The following CLASP2 variants were observed in gnomAD, a reference collection of about 807,000 sequenced individuals.
CLASP2 encodes cytoplasmic linker associated protein 2, also known as CLIP-associating protein 2.
A neutral mutation model predicts 194.4 loss-of-function variants in CLASP2; 47 were observed. The observed-to-expected ratio is 0.24, with a 90% CI of 0.19 to 0.31. The LOEUF is 0.31. Among genes scored for constraint, CLASP2 ranks in the 10% least tolerant of loss-of-function variants. The probability of loss-of-function intolerance (pLI) is 1.00; values close to 1 mark genes in which losing one functional copy is unlikely to be tolerated. For missense variants in CLASP2, 1,445 were observed against 1,823.6 expected (o/e 0.79, Z 3.78); for synonymous variants, 619 against 633.5 (o/e 0.98, Z 0.34).
chr3:33,608,200 C>A (rs747067792), intron 14 of CLASP2, among the ~76,000 whole-genome samples: 6 of 152,198 alleles, frequency 3.9e-5, no homozygotes. Flanking sequence ...TCTTAAAAAT[C>A]TCTTTCCTCT....
intron 32 of CLASP2, among the ~76,000 whole-genome samples, chr3:33,540,603 C>T (rs2058184147): frequency 1.3e-5 from 2 of 151,898 alleles, no homozygotes; most frequent in African/African-American, 2.4e-5. Context: ...AATTTAGCTA[C>T]CAAATTTATC....
chr3:33,694,098 C>T (rs1451684166), intron 2 of CLASP2, among the ~76,000 whole-genome samples: 1 of 151,858 alleles, frequency 6.6e-6, no homozygotes, highest in African/African-American at 2.4e-5. Flanking sequence ...GGGAAGATTT[C>T]AAAACGAAAT....
intron 34 of CLASP2, among the ~76,000 whole-genome samples, chr3:33,527,815 T>C (rs559847805): frequency 6.6e-6 from 1 of 152,006 alleles, no homozygotes; most frequent in Non-Finnish European, 1.5e-5. Flanking sequence ...TACAAAAAAT[T>C]AGCCAGACGT....
At chr3:33,586,072 G>A (rs142328402) in intron 21 of CLASP2, among the ~76,000 whole-genome samples, 5 of 152,188 alleles carry the variant, frequency 3.3e-5, no homozygotes, top group Non-Finnish European at 5.9e-5. Context: ...CTGGGTTATA[G>A]AAGTCCCAAG....
chr3:33,643,209 G>GC (rs1187743534), intron 8 of CLASP2, among the ~76,000 whole-genome samples: 1 of 151,598 alleles, frequency 6.6e-6, no homozygotes, highest in Non-Finnish European at 1.5e-5. Context: ...AAAATTATAA[G>GC]CCACTGGTTC....
chr3:33,626,548 GA>G (rs1209424509), intron 10 of CLASP2, among the ~76,000 whole-genome samples: 2 of 151,954 alleles, frequency 1.3e-5, no homozygotes, highest in Non-Finnish European at 2.9e-5. Context: ...CACATGAGAA[GA>G]AAAAAACCCA....
At chr3:33,564,091 G>A (rs2062240623) in intron 27 of CLASP2, 1 of 357,194 alleles carries the variant, frequency 2.8e-6, no homozygotes, top group South Asian at 2.1e-5. Flanking sequence ...AGCTTTTTCT[G>A]TATTTATGTT....
chr3:33,506,719 C>T (rs1189751583), intron 37 of CLASP2, among the ~76,000 whole-genome samples: 2 of 151,950 alleles, frequency 1.3e-5, no homozygotes, highest in South Asian at 2.1e-4. Context: ...ACCCAGTTGT[C>T]CTAGCATCAC....
intron 7 of CLASP2, among the ~76,000 whole-genome samples, chr3:33,646,844 C>T (rs1211740848): frequency 2.6e-5 from 4 of 152,156 alleles, no homozygotes; most frequent in East Asian, 3.8e-4. Context: ...TAAGTACCCT[C>T]GAGACTCCTA....
intron 34 of CLASP2, among the ~76,000 whole-genome samples, chr3:33,517,650 T>G (rs1320367942): frequency 6.6e-6 from 1 of 152,206 alleles, no homozygotes; most frequent in Non-Finnish European, 1.5e-5. Flanking sequence ...CATTGTAAAC[T>G]TCTCCATAAA....
At chr3:33,669,457 C>G (rs2086757815) in intron 6 of CLASP2, among the ~76,000 whole-genome samples, 1 of 151,722 alleles carries the variant, frequency 6.6e-6, no homozygotes, top group Non-Finnish European at 1.5e-5. Context: ...AAAGGTATCA[C>G]CAAGAAAGTA....
chr3:33,602,148 G>A (rs1373067660), intron 18 of CLASP2, among the ~76,000 whole-genome samples: 1 of 151,904 alleles, frequency 6.6e-6, no homozygotes, highest in Non-Finnish European at 1.5e-5. Flanking sequence ...CAAGTAGCTG[G>A]GATTACAGGC....
intron 1 of CLASP2, among the ~76,000 whole-genome samples, chr3:33,714,383 T>C (rs2093186302): frequency 6.6e-6 from 1 of 152,208 alleles, no homozygotes; most frequent in East Asian, 1.9e-4. Flanking sequence ...CTGTCTATCA[T>C]CTCAACTTGT....
chr3:33,578,759 C>G (rs1329327413), intron 23 of CLASP2, among the ~76,000 whole-genome samples: 2 of 152,066 alleles, frequency 1.3e-5, no homozygotes, highest in Non-Finnish European at 1.5e-5. Context: ...TTTACAGAAT[C>G]AATAGTTATC....
intron 21 of CLASP2, among the ~76,000 whole-genome samples, chr3:33,591,751 A>G (rs1560193781): frequency 6.6e-6 from 1 of 152,260 alleles, no homozygotes; most frequent in Non-Finnish European, 1.5e-5. Context: ...CCAGTGAAAG[A>G]GCAAAAATGT....
intron 34 of CLASP2, among the ~76,000 whole-genome samples, chr3:33,519,357 G>A (rs1030271505): frequency 2.0e-5 from 3 of 152,070 alleles, no homozygotes; most frequent in African/African-American, 4.8e-5. Context: ...GTGTGTGCCC[G>A]ATTGTAATGT....
chr3:33,603,702 A>C (rs2072933453), intron 17 of CLASP2, among the ~76,000 whole-genome samples: 2 of 152,116 alleles, frequency 1.3e-5, no homozygotes, highest in Non-Finnish European at 2.9e-5. Flanking sequence ...GACTCACTGC[A>C]ACCTCCACTT....
intron 4 of CLASP2, 77 bp from the exon 5 acceptor site, chr3:33,687,212 G>T: frequency 1.1e-6 from 1 of 876,116 alleles, no homozygotes; most frequent in Non-Finnish European, 1.8e-6. Context: ...ATACCTTCTT[G>T]TCTGTAGCAA....
At chr3:33,606,910 T>C (rs888788320) in intron 15 of CLASP2, among the ~76,000 whole-genome samples, 152 bp from the exon 16 acceptor site, 1 of 152,242 alleles carries the variant, frequency 6.6e-6, no homozygotes, top group Non-Finnish European at 1.5e-5. Context: ...ATTGAACAAG[T>C]TCCAGTGGAA....
Sources: allele counts gnomAD v4.1 joint callset (sites outside exome capture counted in the v4.1 genomes callset), GRCh38; gene constraint gnomAD v4.1.1; transcripts MANE v1.5; gene names NCBI Gene and HGNC (gene_info 2026-07-23, HGNC 2026-07-21).